Variants in ENTPD1 observed in about 807,000 individuals in gnomAD.
The protein encoded by ENTPD1 is ATP diphosphohydrolase.
In ENTPD1, 33 loss-of-function variants were observed where a neutral mutation model predicts 57.0. The observed-to-expected ratio is 0.58, with a 90% CI of 0.44 to 0.77. The LOEUF (loss-of-function observed/expected upper bound fraction) is 0.77, where lower values mean the gene tolerates loss of function less well. Ranked by LOEUF, ENTPD1 falls within the 30% of genes least tolerant of loss-of-function variation. The pLI, the probability that ENTPD1 is intolerant of heterozygous loss-of-function variation, is 0.00. For missense variants in ENTPD1, 501 were observed against 603.4 expected, an observed-to-expected ratio of 0.83 and a Z score of 1.78; for synonymous variants, 202 against 218.8, an observed-to-expected ratio of 0.92 and a Z score of 0.68.
intron 1 of ENTPD1, among the ~76,000 whole-genome samples, chr10:95,719,342 C>A (rs1324995291): frequency 6.6e-6 from 1 of 152,212 alleles, no homozygotes; most frequent in East Asian, 1.9e-4. Flanking sequence ...TGGAAAGCCG[C>A]TTCTGCTTCA....
chr10:95,755,673 GA>G (rs1566106671), upstream of ENTPD1: 1 of 1,536,982 alleles, frequency 6.5e-7, no homozygotes, highest in Admixed American at 2.0e-5. Flanking sequence ...TTGCTCTAAT[GA>G]GCCTTGAGAA....
chr10:95,696,087 T>C, the ENTPD1 span, among the ~76,000 whole-genome samples: 1 of 152,176 alleles, frequency 6.6e-6, no homozygotes, highest in Non-Finnish European at 1.5e-5. Context: ...CAAAAGACTG[T>C]TGGTTGAAGT....
upstream of ENTPD1, among the ~76,000 whole-genome samples, chr10:95,708,551 A>G (rs1250503580): frequency 6.6e-6 from 1 of 152,252 alleles, no homozygotes; most frequent in Admixed American, 6.5e-5. Flanking sequence ...GGAGAAATCC[A>G]CACAAGTGTA....
intron 9 of ENTPD1, among the ~76,000 whole-genome samples, chr10:95,865,970 G>T (rs1361744247): frequency 6.6e-6 from 1 of 152,054 alleles, no homozygotes; most frequent in Non-Finnish European, 1.5e-5. Flanking sequence ...TCACTATGTT[G>T]CCCAGGCTAG....
Position 95,760,814 on chromosome 10 carries a change from C to CTTTTTTTTTTTTTTTT in ENTPD1, c.16+4577_16+4592dup, listed in dbSNP as rs71034350. Among the ~76,000 whole-genome samples, 47 of 62,970 alleles carry CTTTTTTTTTTTTTTTT rather than the reference C, an allele frequency of 7.5e-4. 7 individuals carry two copies. Among genetic ancestry groups the CTTTTTTTTTTTTTTTT allele is most frequent in the African/African-American group, 1.1e-3 (17 of 14,918 alleles). 41.3% of individuals were successfully genotyped at this position (62,970 alleles called of 152,430 possible). A position where few individuals can be genotyped will look rare whatever the true frequency, so the allele number is the denominator to read the frequency against. On this transcript the variant is annotated intron_variant, in intron 1 of 9. Coordinates refer to ENST00000371205, the MANE Select transcript of ENTPD1 (RefSeq NM_001776.6). ...TGGAGTAAATTACATAGAGTTTATTCTTTTTTTTTTTTTTTTTTTTTTTTT... is the reference window on the plus strand; with the variant it reads ...TGGAGTAAATTACATAGAGTTTATTCTTTTTTTTTTTTTTTTTTTTTTTTTTTTTTTTTTTTTTTTT...
At chr10:95,704,113 C>T in the ENTPD1 span, among the ~76,000 whole-genome samples, 1 of 152,138 alleles carries the variant, frequency 6.6e-6, no homozygotes, top group Non-Finnish European at 1.5e-5. Flanking sequence ...AACAAAACTA[C>T]ATATCAAAAT....
intron 7 of ENTPD1, among the ~76,000 whole-genome samples, chr10:95,848,086 T>G (rs2098438903): frequency 6.6e-6 from 1 of 152,170 alleles, no homozygotes. Flanking sequence ...ACTAGGGGGT[T>G]GTGCCCAGGG....
Position 95,873,909 on chromosome 10 carries a change from T to C in ENTPD1, c.*7526T>C, listed in dbSNP as rs1184780354. Among the ~76,000 whole-genome samples, 3 of 152,166 alleles carry C rather than the reference T, an allele frequency of 2.0e-5. No homozygotes were observed. Among genetic ancestry groups the C allele is most frequent in the Non-Finnish European group, 4.4e-5 (3 of 68,024 alleles). ...ATAAACCCACCAGATCTTGTGGGACTTATTATCACGAGAATAGCACAGAAA... is the reference window on the plus strand; with the variant it reads ...ATAAACCCACCAGATCTTGTGGGACCTATTATCACGAGAATAGCACAGAAA... On this transcript the variant is annotated 3_prime_UTR_variant, in exon 10 of 10. Coordinates refer to ENST00000371205, the MANE Select transcript of ENTPD1 (RefSeq NM_001776.6).
upstream of ENTPD1, among the ~76,000 whole-genome samples, chr10:95,711,169 C>G (rs904844483): frequency 2.6e-5 from 4 of 152,156 alleles, no homozygotes; most frequent in Non-Finnish European, 5.9e-5. Flanking sequence ...TTTCTCCCAG[C>G]CTTTCTGTAT....
chr10:95,807,343 G>C (rs12774334), intron 1 of ENTPD1, among the ~76,000 whole-genome samples: 17,982 of 152,262 alleles, frequency 0.12, 1,173 homozygotes, highest in Middle Eastern at 0.23. Context: ...CTCCTTGTCT[G>C]CCAGTTGCCA....
intron 1 of ENTPD1, among the ~76,000 whole-genome samples, chr10:95,779,052 T>C (rs979528871): frequency 6.6e-6 from 1 of 152,208 alleles, no homozygotes; most frequent in African/African-American, 2.4e-5. Context: ...GATTCTCTGT[T>C]GAATCCTTAA....
the ENTPD1 span, among the ~76,000 whole-genome samples, chr10:95,698,974 A>G: frequency 6.6e-6 from 1 of 152,102 alleles, no homozygotes; most frequent in Non-Finnish European, 1.5e-5. Flanking sequence ...TTTGAAAAAG[A>G]AAAAACCCAG....
At chr10:95,726,749 T>G (rs1182249794) in intron 1 of ENTPD1, among the ~76,000 whole-genome samples, 1 of 152,160 alleles carries the variant, frequency 6.6e-6, no homozygotes, top group Non-Finnish European at 1.5e-5. Flanking sequence ...TGTGTTTTGG[T>G]GCATTTTGGG....
chr10:95,749,205 G>T (rs2098009218), intron 1 of ENTPD1, among the ~76,000 whole-genome samples: 1 of 152,094 alleles, frequency 6.6e-6, no homozygotes, highest in African/African-American at 2.4e-5. Context: ...GTTGTCCTGG[G>T]GTACATTTTG....
intron 6 of ENTPD1, 110 bp from the exon 7 acceptor site, chr10:95,847,336 A>G (rs781725945): frequency 3.3e-5 from 43 of 1,319,546 alleles, no homozygotes; most frequent in Non-Finnish European, 4.0e-5. Flanking sequence ...ATTGATTCCA[A>G]TACCAAGTGG....
intron 1 of ENTPD1, among the ~76,000 whole-genome samples, chr10:95,729,557 G>T (rs185863501): frequency 1.0e-3 from 153 of 152,248 alleles, no homozygotes; most frequent in Non-Finnish European, 1.5e-4. Flanking sequence ...TTAAGGAAGC[G>T]GGCAAAACCT....
chr10:95,801,919 C>T (rs575161595), intron 1 of ENTPD1, among the ~76,000 whole-genome samples: 5 of 152,088 alleles, frequency 3.3e-5, no homozygotes, highest in Non-Finnish European at 7.4e-5. Context: ...TTGCTTTGGG[C>T]GGTATGGCCA....
chr10:95,866,561 C>T lies in ENTPD1; in HGVS notation c.*178C>T. The T allele has an allele frequency of 6.8e-7, 1 of 1,475,522 alleles. No individual in the cohort carries two copies. The highest frequency in any genetic ancestry group is 1.4e-5 in the South Asian group (1 of 74,054). 91.4% of individuals were successfully genotyped at this position (1,475,522 alleles called of 1,614,324 possible). ...TTTGGAGGTATTCAATATCCTTTGC[C>T]TCAAGGACTTCGGCAGATACTGTCT... On this transcript the variant is annotated 3_prime_UTR_variant, in exon 10 of 10. Transcript: ENST00000371205.
rs2098483949 is a variant in ENTPD1 at position 95,874,620 on chromosome 10, AC to A, written c.*8238del. On this transcript the variant is annotated 3_prime_UTR_variant, in exon 10 of 10. Coordinates refer to ENST00000371205, the MANE Select transcript of ENTPD1 (RefSeq NM_001776.6). ...ACTGTGGCCTTCTTCTCACAGCTCC[AC>A]TAGGCAGTGCCCCAACAGGGACTCT... Among the ~76,000 whole-genome samples, 1 of 152,194 alleles carries A rather than the reference AC, an allele frequency of 6.6e-6. No homozygotes were observed. Among genetic ancestry groups the A allele is most frequent in the Admixed American group, 6.5e-5 (1 of 15,280 alleles).
Sources: gnomAD v4.1 joint callset for allele counts (sites outside exome capture counted in the v4.1 genomes callset) on GRCh38, gnomAD v4.1.1 for gene constraint, MANE v1.5 for transcripts, NCBI Gene and HGNC (gene_info 2026-07-23, HGNC 2026-07-21) for gene names.